The following COL12A1 variants were observed in gnomAD, a reference collection of about 807,000 sequenced individuals.
COL12A1 encodes the protein collagen type XII alpha 1 chain.
Under a neutral mutation model 349.7 loss-of-function variants are expected in COL12A1, and 114 were observed. The observed-to-expected ratio is 0.33, with a 90% CI of 0.28 to 0.38. The LOEUF is 0.38. COL12A1 is among the 10% of genes least tolerant of loss of function. COL12A1 has a pLI of 1.00. For synonymous variants in COL12A1, 1,369 were observed against 1,329.0 expected (o/e 1.03, Z -0.66); for missense variants, 3,284 against 3,756.9 (o/e 0.87, Z 3.29).
At chr6:75,132,355 T>C (rs923816674) in intron 34 of COL12A1, among the ~76,000 whole-genome samples, 12 of 152,148 alleles carry the variant, frequency 7.9e-5, no homozygotes, top group African/African-American at 2.9e-4. Flanking sequence ...TAAAGGGTCA[T>C]GGGATAGAGA....
chr6:75,169,052 G>T (rs978008141), intron 13 of COL12A1, among the ~76,000 whole-genome samples: 1 of 152,166 alleles, frequency 6.6e-6, no homozygotes, highest in African/African-American at 2.4e-5. Flanking sequence ...GATGTTCACT[G>T]CTCTCTTCTC....
At chr6:75,197,230 A>T (rs1179962905) in intron 2 of COL12A1, among the ~76,000 whole-genome samples, 1 of 152,200 alleles carries the variant, frequency 6.6e-6, no homozygotes, top group Non-Finnish European at 1.5e-5. Flanking sequence ...TTACATAAAA[A>T]TAATTCATAA....
intron 59 of COL12A1, among the ~76,000 whole-genome samples, chr6:75,095,479 C>T (rs1456912592): frequency 1.3e-5 from 2 of 151,312 alleles, no homozygotes; most frequent in Non-Finnish European, 2.9e-5. Flanking sequence ...TAGCCAGGCG[C>T]GGTGGCGGGC....
intron 12 of COL12A1, among the ~76,000 whole-genome samples, chr6:75,177,414 G>A (rs988292367): frequency 7.9e-5 from 12 of 151,950 alleles, no homozygotes; most frequent in African/African-American, 2.7e-4. Flanking sequence ...TTGGGCAACA[G>A]AGAGAGACTC....
intron 8 of COL12A1, among the ~76,000 whole-genome samples, chr6:75,185,289 A>C (rs903842430): frequency 6.6e-6 from 1 of 152,224 alleles, no homozygotes; most frequent in African/African-American, 2.4e-5. Flanking sequence ...ATATAAAATC[A>C]ATGTGCAAAA....
At chr6:75,144,271 C>G (rs1380977007) in intron 25 of COL12A1, among the ~76,000 whole-genome samples, 3 of 152,152 alleles carry the variant, frequency 2.0e-5, no homozygotes, top group South Asian at 2.1e-4. Context: ...CCCTGGCTGA[C>G]TCCCCATTCC....
In COL12A1 at chr6:75,090,117, C is replaced by G. The variant is rs1380121753; in HGVS notation, c.8934G>C (p.Gly2978=). The change falls in exon 63 of 66, where the codon GGG becomes GGC. Residue 2978 remains glycine, a synonymous_variant. Coordinates refer to ENST00000322507, the MANE Select transcript of COL12A1 (RefSeq NM_004370.6). The surrounding 1 kb of genome is among the most constrained non-coding windows in gnomAD (Gnocchi z 4.1). ...GAAGCCAGAAATGCCTACCTCGTTC[C>G]CCAGGGGGTCCCTGCATCCCTGGTG... is the stretch of plus-strand genomic sequence containing the variant. ...PGTPGMQGPP[G]ERGLPGEKGE... The G allele has an allele frequency of 1.9e-6, 3 of 1,613,362 alleles. No individual in the cohort carries two copies. In the East Asian group the frequency reaches 6.7e-5, roughly 36 times the overall value.
rs1410734553 is a variant in COL12A1 at position 75,119,478 on chromosome 6, A to G, written c.7087-5T>C. ...GCTGTATTGCACAAATGAAACCTGA[A>G]GGAAAATGTGATTTGGCAGTGAGCA... On this transcript the variant is annotated splice_polypyrimidine_tract_variant and splice_region_variant and intron_variant, in intron 44 of 65. Coordinates refer to ENST00000322507, the MANE Select transcript of COL12A1 (RefSeq NM_004370.6). The G allele has an allele frequency of 1.9e-6, 3 of 1,598,834 alleles. No homozygotes were observed. The African/African-American group carries it at 4.0e-5, about 22-fold the overall frequency.
rs76449901 is a variant in COL12A1 at position 75,139,634 on chromosome 6, T to C, written c.4958-673A>G. 1.3e-4 allele frequency among the ~76,000 whole-genome samples: 20 copies of C among 152,300 alleles called. No homozygotes were observed. In the East Asian group the frequency reaches 3.5e-3, roughly 26 times the overall value. On this transcript the variant is annotated intron_variant, in intron 27 of 65. Transcript: ENST00000322507. ...CTGCTACACATACAGTGAATTCCAA[T>C]CTAGGAATATTGCCACAGGAAAGGA...
rs557573017 is a variant in COL12A1 at position 75,151,870 on chromosome 6, T to C, written c.3997A>G (p.Ile1333Val). ...CACTGTCCTTTTCAGTGCGTACCAA[T>C]AGCAAACAGCTCCACTCCCTCATCC... Reference protein sequence around the residue: ...LKDEGVELFAIGIKNADEVEL... With the variant: ...LKDEGVELFAVGIKNADEVEL... Residue 1333 changes from isoleucine (I) to valine (V), a missense_variant, in exon 20 of 66, where the codon ATT (isoleucine) becomes GTT (valine). Around this residue, in one of 2 missense-constraint regions of COL12A1, gnomAD observed 2,601 missense variants for 2,824.8 expected, o/e 0.92. Transcript: ENST00000322507. 4 of 1,613,564 alleles carry C rather than the reference T, an allele frequency of 2.5e-6. No individual in the cohort carries two copies. The South Asian group carries it at 3.3e-5, about 13-fold the overall frequency.
chr6:75,141,974 T>C, intron 27 of COL12A1, 58 bp downstream of exon 27: 1 of 1,600,280 alleles, frequency 6.2e-7, no homozygotes, highest in South Asian at 1.1e-5. Flanking sequence ...GTAAATTGTG[T>C]TACACATGCA....
intron 13 of COL12A1, among the ~76,000 whole-genome samples, chr6:75,170,529 T>A (rs1357502289): frequency 1.3e-5 from 2 of 152,212 alleles, no homozygotes. Flanking sequence ...AAAAACAACT[T>A]AACAATTAAA....
At chr6:75,196,243 G>A (rs137952628) in intron 2 of COL12A1, among the ~76,000 whole-genome samples, 14 of 152,272 alleles carry the variant, frequency 9.2e-5, no homozygotes, top group African/African-American at 3.1e-4. Context: ...TTCTTAAAAT[G>A]TTTTAGTCTG....
In COL12A1 at chr6:75,090,022, G is replaced by T; in HGVS notation, c.8941+88C>A. On this transcript the variant is annotated intron_variant, in intron 63 of 65. Transcript: ENST00000322507. This position sits in a 1 kb window ranked among gnomAD's most constrained non-coding sequence, Gnocchi z 4.1. ...AGACCAGGGAAAGCAGTTTGCCTAGGTCACCTTTCAGATGCCTTCAACCTG... is the reference window on the plus strand; with the variant it reads ...AGACCAGGGAAAGCAGTTTGCCTAGTTCACCTTTCAGATGCCTTCAACCTG... The T allele has an allele frequency of 6.9e-7, 1 of 1,442,370 alleles. No homozygotes were observed. The highest frequency in any genetic ancestry group is 9.6e-7 in the Non-Finnish European group (1 of 1,044,550). The allele number at this position is 1,442,370 out of a possible 1,614,324, so 89.3% of individuals were successfully genotyped here.
At chr6:75,175,809 G>A (rs753812218) in intron 12 of COL12A1, among the ~76,000 whole-genome samples, 1 of 152,216 alleles carries the variant, frequency 6.6e-6, no homozygotes, top group Non-Finnish European at 1.5e-5. Flanking sequence ...GGGAAAAAAA[G>A]TAAGAGAAAA....
At chr6:75,144,793 A>G (rs1227923420) in intron 25 of COL12A1, among the ~76,000 whole-genome samples, 1 of 152,352 alleles carries the variant, frequency 6.6e-6, no homozygotes, top group African/African-American at 2.4e-5. Context: ...CTGGCATATA[A>G]TAGGGGATCA....
intron 60 of COL12A1, among the ~76,000 whole-genome samples, chr6:75,094,690 G>C (rs1340508782): frequency 1.3e-5 from 2 of 152,064 alleles, no homozygotes; most frequent in East Asian, 3.8e-4. Context: ...AGAACAAATG[G>C]AAAGCTGGAT....
chr6:75,126,329 G>A, intron 39 of COL12A1, 22 bp downstream of exon 39: 1 of 1,599,862 alleles, frequency 6.3e-7, no homozygotes, highest in African/African-American at 1.3e-5. Context: ...GCATTTCTAT[G>A]ATGACAAAGG....
At chr6:75,150,966 C>G (rs1163053190) in intron 21 of COL12A1, among the ~76,000 whole-genome samples, 175 bp downstream of exon 21, 2 of 152,140 alleles carry the variant, frequency 1.3e-5, no homozygotes, top group Non-Finnish European at 2.9e-5. Flanking sequence ...AACCGAAGAT[C>G]TTTTTAATTG....
Sources: gnomAD v4.1 joint callset for allele counts (sites outside exome capture counted in the v4.1 genomes callset) on GRCh38, gnomAD v4.1.1 for gene constraint, gnomAD v4.1.1 regional missense constraint, Gnocchi (gnomAD v3.1) non-coding constraint, MANE v1.5 for transcripts, NCBI Gene and HGNC (gene_info 2026-07-23, HGNC 2026-07-21) for gene names.